The following ZNF516 variants were observed in gnomAD, a reference collection of about 807,000 sequenced individuals.
The protein encoded by ZNF516 is zinc finger protein 516.
ZNF516 carries 19 observed loss-of-function variants against 79.7 expected under a neutral mutation model. The ratio of observed to expected loss-of-function variants is 0.24; its 90% CI spans 0.17 to 0.35. The LOEUF (loss-of-function observed/expected upper bound fraction) is 0.35, where lower values mean the gene tolerates loss of function less well. ZNF516 is among the 10% of genes least tolerant of loss of function. The pLI is 1.00. For missense variants in ZNF516, 1,678 were observed against 1,679.5 expected, an observed-to-expected ratio of 1.00 and a Z score of 0.02; for synonymous variants, 877 against 739.5, an observed-to-expected ratio of 1.19 and a Z score of -3.02.
intron 1 of ZNF516, among the ~76,000 whole-genome samples, chr18:76,465,112 G>A (rs1162378674): frequency 6.6e-6 from 1 of 152,220 alleles, no homozygotes; most frequent in African/African-American, 2.4e-5. Context: ...CACCAAAATG[G>A]CGTGGTCATC....
chr18:76,496,197 G>A (rs893705088), upstream of ZNF516: 66 of 1,184,148 alleles, frequency 5.6e-5, no homozygotes, highest in African/African-American at 8.6e-4. Context: ...GAGCTAGCGA[G>A]GGCGAGCGCC....
intron 1 of ZNF516, among the ~76,000 whole-genome samples, chr18:76,483,301 T>C (rs1914635731): frequency 6.6e-6 from 1 of 152,070 alleles, no homozygotes; most frequent in South Asian, 2.1e-4. Flanking sequence ...AGGAGGAGAA[T>C]GCACACTTTC....
chr18:76,442,734 G>A lies in ZNF516; in HGVS notation c.321C>T (p.Ala107=), dbSNP rs752832086. 18 of 1,582,400 alleles carry A rather than the reference G, an allele frequency of 1.1e-5. No individual in the cohort carries two copies. Among genetic ancestry groups the A allele is most frequent in the Non-Finnish European group, 1.5e-5 (18 of 1,164,546 alleles). The change falls in exon 3 of 7, where the codon GCC becomes GCT. Residue 107 remains alanine, a synonymous_variant. Transcript: ENST00000443185. ...AGEAPLGEMR[A]SEGLDACASP... ...TGGCGCAGGCGTCCAGGCCCTCGGAGGCGCGCATCTCACCCAGCGGCGCCT... is the reference window on the plus strand; with the variant it reads ...TGGCGCAGGCGTCCAGGCCCTCGGAAGCGCGCATCTCACCCAGCGGCGCCT...
chr18:76,406,495 C>T (rs1194567051), intron 3 of ZNF516, among the ~76,000 whole-genome samples: 2 of 152,146 alleles, frequency 1.3e-5, no homozygotes, highest in African/African-American at 2.4e-5. Context: ...ACCCGGGAGA[C>T]GGAGGTTGCA....
intron 1 of ZNF516, among the ~76,000 whole-genome samples, chr18:76,478,247 T>C (rs1291992050): frequency 1.3e-5 from 2 of 152,178 alleles, no homozygotes; most frequent in Admixed American, 6.5e-5. Flanking sequence ...CAATAAAATA[T>C]TCATTCTTCA....
chr18:76,491,913 G>A (rs981681484), intron 1 of ZNF516, among the ~76,000 whole-genome samples: 4 of 152,222 alleles, frequency 2.6e-5, no homozygotes, highest in South Asian at 2.1e-4. Flanking sequence ...GGTGGAACTC[G>A]GGCTGGGGGG....
At chr18:76,471,517 C>T (rs1017121745) in intron 1 of ZNF516, among the ~76,000 whole-genome samples, 3 of 152,176 alleles carry the variant, frequency 2.0e-5, no homozygotes, top group African/African-American at 7.2e-5. Context: ...AATTGGGAGG[C>T]CTTTTCCAGT....
At chr18:76,477,703 G>A (rs1914253736) in intron 1 of ZNF516, among the ~76,000 whole-genome samples, 1 of 152,082 alleles carries the variant, frequency 6.6e-6, no homozygotes, top group Non-Finnish European at 1.5e-5. Context: ...ATGACCCACT[G>A]TAAAGGGTTC....
In ZNF516 at chr18:76,422,568, T is replaced by G. The variant is rs908446654; in HGVS notation, c.1810+18677A>C. ...GTAGGACTCTGTATTTATGGAGAGA[T>G]AGAGAATTAAAAGATACCCAGAAAC... On this transcript the variant is annotated intron_variant, in intron 3 of 6. Coordinates refer to ENST00000443185, the MANE Select transcript of ZNF516 (RefSeq NM_014643.4). Among the ~76,000 whole-genome samples the G allele has an allele frequency of 1.9e-4, 29 of 152,150 alleles. No individual in the cohort carries two copies. The East Asian group carries it at 2.7e-3, about 14-fold the overall frequency.
At chr18:76,489,340 T>C (rs557061983) in intron 1 of ZNF516, among the ~76,000 whole-genome samples, 15 of 152,296 alleles carry the variant, frequency 9.8e-5, no homozygotes, top group Middle Eastern at 3.4e-3. Context: ...TCTGTTGGAG[T>C]ATACCTCATT....
intron 3 of ZNF516, among the ~76,000 whole-genome samples, chr18:76,383,107 G>A (rs886837361): frequency 7.9e-5 from 12 of 151,310 alleles, no homozygotes; most frequent in Non-Finnish European, 1.5e-4. Context: ...GAGAGTGAAC[G>A]GCAAAATGCC....
At chr18:76,494,046 T>C (rs796987188) in intron 1 of ZNF516, 58 of 152,264 alleles carry the variant, frequency 3.8e-4, no homozygotes, top group African/African-American at 1.4e-3. Flanking sequence ...ACGCTGATAA[T>C]AGATGAGGCT....
At chr18:76,436,069 A>G (rs1053295657) in intron 3 of ZNF516, among the ~76,000 whole-genome samples, 1 of 152,358 alleles carries the variant, frequency 6.6e-6, no homozygotes, top group South Asian at 2.1e-4. Flanking sequence ...ATTAGATATT[A>G]TGCAAGATGA....
chr18:76,378,797 CG>C (rs2074832829), intron 4 of ZNF516, 57 bp downstream of exon 4: 2 of 1,562,952 alleles, frequency 1.3e-6, no homozygotes, highest in African/African-American at 1.4e-5. Flanking sequence ...CCTGGCCCTC[CG>C]GGGGTGGTTC....
At position 76,407,699 on chromosome 18, in the gene ZNF516, G is replaced by A. The variant is rs146445169; in HGVS notation, c.1811-27396C>T. Among the ~76,000 whole-genome samples the A allele has an allele frequency of 1.9e-3, 296 of 152,270 alleles. 2 individuals are homozygous for A. The highest frequency in any genetic ancestry group is 6.7e-3 in the African/African-American group (278 of 41,538). On this transcript the variant is annotated intron_variant, in intron 3 of 6. Coordinates refer to ENST00000443185, the MANE Select transcript of ZNF516 (RefSeq NM_014643.4). ...CATGGATACAGAAAATACCCAACACGACATGCAGTTTAATCAGTTATTCGA... is the reference window on the plus strand; with the variant it reads ...CATGGATACAGAAAATACCCAACACAACATGCAGTTTAATCAGTTATTCGA...
intron 4 of ZNF516, among the ~76,000 whole-genome samples, chr18:76,374,264 T>C (rs1207555731): frequency 1.3e-5 from 2 of 152,278 alleles, no homozygotes; most frequent in Non-Finnish European, 2.9e-5. Context: ...TCAGATCATC[T>C]AGACTGGCCG....
chr18:76,423,047 G>A (rs185481658), intron 3 of ZNF516, among the ~76,000 whole-genome samples: 11 of 152,222 alleles, frequency 7.2e-5, no homozygotes, highest in Middle Eastern at 3.4e-3. Context: ...TGTGCACACC[G>A]CAGGACTCTC....
chr18:76,460,112 G>C (rs1913006326), intron 2 of ZNF516, among the ~76,000 whole-genome samples: 1 of 152,154 alleles, frequency 6.6e-6, no homozygotes, highest in South Asian at 2.1e-4. Context: ...ACACAGCAAG[G>C]GGCGACACTC....
intron 6 of ZNF516, among the ~76,000 whole-genome samples, chr18:76,363,613 TGA>T (rs2074572016): frequency 6.6e-6 from 1 of 152,136 alleles, no homozygotes; most frequent in South Asian, 2.1e-4. Context: ...AGTAATGGAA[TGA>T]GAGATGTGAT....
Sources: allele counts gnomAD v4.1 joint callset (sites outside exome capture counted in the v4.1 genomes callset), GRCh38; gene constraint gnomAD v4.1.1; transcripts MANE v1.5; gene names NCBI Gene and HGNC (gene_info 2026-07-23, HGNC 2026-07-21).